The following FKRP variants were observed in gnomAD, a reference collection of about 807,000 sequenced individuals.
The protein encoded by FKRP is ribitol 5-phosphate transferase FKRP.
FKRP carries 25 observed loss-of-function variants against 30.6 expected under a neutral mutation model. That is an observed-to-expected ratio of 0.82 (90% confidence interval 0.60 to 1.14). The LOEUF is 1.14. FKRP is among the 50% of genes most tolerant of loss of function. The probability of loss-of-function intolerance (pLI) is 0.00; values close to 1 mark genes in which losing one functional copy is unlikely to be tolerated. For synonymous variants in FKRP, 358 were observed against 342.5 expected (o/e 1.05, Z -0.50); for missense variants, 771 against 727.8 (o/e 1.06, Z -0.68).
At chr19:46,752,631 C>T (rs1323030783) in intron 3 of FKRP, among the ~76,000 whole-genome samples, 2 of 152,090 alleles carry the variant, frequency 1.3e-5, no homozygotes, top group African/African-American at 2.4e-5. Flanking sequence ...GAGGCCGAGA[C>T]GGAAGGATCA....
At chr19:46,754,896 G>A (rs745858883) in intron 3 of FKRP, among the ~76,000 whole-genome samples, 2 of 152,010 alleles carry the variant, frequency 1.3e-5, no homozygotes, top group Non-Finnish European at 2.9e-5. Flanking sequence ...ATAAGCCACC[G>A]CGCCCAGCCT....
Position 46,756,181 on chromosome 19 carries a change from G to T in FKRP, c.731G>T (p.Arg244Leu), listed in dbSNP as rs764641619. ...CTGGACTTGACCTTCGCCGCGGCGC[G>T]CCAGCCCCCGCTGGCCACGGCCCAC... ...QLLDLTFAAA[R>L]QPPLATAHAR... is the part of the protein sequence containing the mutation. The change falls in exon 4 of 4, where the codon CGC (arginine) becomes CTC (leucine). Residue 244 changes from arginine to leucine, a missense_variant. Coordinates refer to ENST00000318584, the MANE Select transcript of FKRP (RefSeq NM_024301.5). This position sits in a 1 kb window ranked among gnomAD's most constrained non-coding sequence, Gnocchi z 6.6. 4 of 1,439,186 alleles carry T rather than the reference G, an allele frequency of 2.8e-6. No individual in the cohort carries two copies. Among genetic ancestry groups the T allele is most frequent in the African/African-American group, 3.0e-5 (2 of 66,260 alleles). 89.2% of individuals were successfully genotyped at this position (1,439,186 alleles called of 1,614,324 possible). A position where few individuals can be genotyped will look rare whatever the true frequency, so the allele number is the denominator to read the frequency against.
chr19:46,750,162 C>T (rs1463734197), intron 3 of FKRP, among the ~76,000 whole-genome samples: 1 of 152,178 alleles, frequency 6.6e-6, no homozygotes, highest in Non-Finnish European at 1.5e-5. Context: ...ACATTCAGAC[C>T]TTCAAAATCA....
In FKRP at chr19:46,756,469, A is replaced by T. The variant is rs1322997651; in HGVS notation, c.1019A>T (p.Tyr340Phe). The change falls in exon 4 of 4, where the codon TAC becomes TTC. Residue 340 changes from tyrosine to phenylalanine, a missense_variant. Transcript: ENST00000318584. The surrounding 1 kb of genome is among the most constrained non-coding windows in gnomAD (Gnocchi z 6.6). ...VGVLEAAGVRYWLEGGSLLGA... is the reference protein window; with the variant it reads ...VGVLEAAGVRFWLEGGSLLGA... ...GTGCTGGAGGCTGCGGGCGTGCGCT[A>T]CTGGCTCGAGGGCGGCTCACTGCTG... The T allele has an allele frequency of 1.7e-5, 26 of 1,542,924 alleles. No individual in the cohort carries two copies. Among genetic ancestry groups the T allele is most frequent in the Middle Eastern group, 1.7e-4 (1 of 5,900 alleles).
intron 3 of FKRP, among the ~76,000 whole-genome samples, chr19:46,751,587 C>A (rs2054793915): frequency 7.6e-6 from 1 of 131,384 alleles, no homozygotes; most frequent in Non-Finnish European, 1.6e-5. Flanking sequence ...GAGACGGAGT[C>A]TTGCTCTGTC....
rs1202967308 is a variant in FKRP at position 46,755,593 on chromosome 19, G to C, written c.143G>C (p.Arg48Pro). 1 of 1,606,266 alleles carries C rather than the reference G, an allele frequency of 6.2e-7. No individual in the cohort carries two copies. Among genetic ancestry groups the C allele is most frequent in the East Asian group, 2.2e-5 (1 of 44,514 alleles). The change falls in exon 4 of 4, where the codon CGT becomes CCT. Residue 48 changes from arginine to proline, a missense_variant. Arg to Pro is a moderately radical substitution (Grantham distance 103). Transcript: ENST00000318584. ...CGTCGTGCCTCTGCTGCCGGCCCCC[G>C]TGTCACCGTCCTGGTGCGGGAGTTC... ...GPRRASAAGPRVTVLVREFEA... is the reference protein window; with the variant it reads ...GPRRASAAGPPVTVLVREFEA...
At position 46,756,948 on chromosome 19, in the gene FKRP, A is replaced by G. The variant is rs1568420774; in HGVS notation, c.*10A>G. 4 of 1,612,352 alleles carry G rather than the reference A, an allele frequency of 2.5e-6. No homozygotes were observed. The highest frequency in any genetic ancestry group is 3.4e-6 in the Non-Finnish European group (4 of 1,179,796). ...GACGGGAAGCGGCTGAAGCCCTGAT[A>G]ACCTCGCCTTTGTTTTTCGGGGGTC... is the stretch of plus-strand genomic sequence containing the variant. On this transcript the variant is annotated 3_prime_UTR_variant, in exon 4 of 4. Transcript: ENST00000318584. This position sits in a 1 kb window ranked among gnomAD's most constrained non-coding sequence, Gnocchi z 6.6.
In FKRP at chr19:46,756,655, T is replaced by C; in HGVS notation, c.1205T>C (p.Phe402Ser). ...TGGGAGAAGGCGGTCGAGGGCGACT[T>C]TTTCCGCGTGCAGTACAGCGAAAGC... is the stretch of plus-strand genomic sequence containing the variant. ...FVWEKAVEGD[F>S]FRVQYSESNH... The change falls in exon 4 of 4, where the codon TTT becomes TCT. Residue 402 changes from phenylalanine (F) to serine (S), a missense_variant. Physicochemically the swap from Phe to Ser is radical, Grantham distance 155. Transcript: ENST00000318584. The surrounding 1 kb of genome is among the most constrained non-coding windows in gnomAD (Gnocchi z 6.6). 1 of 1,613,420 alleles carries C rather than the reference T, an allele frequency of 6.2e-7. No homozygotes were observed. Among genetic ancestry groups the C allele is most frequent in the Non-Finnish European group, 8.5e-7 (1 of 1,179,810 alleles).
At chr19:46,751,075 T>A (rs1310451422) in intron 3 of FKRP, among the ~76,000 whole-genome samples, 6 of 149,680 alleles carry the variant, frequency 4.0e-5, no homozygotes, top group Non-Finnish European at 8.9e-5. Context: ...TTTTTTTTTT[T>A]AAAGACAGAC....
intron 1 of FKRP, chr19:46,746,402 ACCGCGGCGG>A (rs1419660149): frequency 9.5e-7 from 1 of 1,054,780 alleles, no homozygotes; most frequent in Non-Finnish European, 1.1e-6. Context: ...GGCGGCGGCG[ACCGCGGCGG>A]CCGCTCGCTC....
intron 1 of FKRP, chr19:46,746,393 G>A: frequency 1.8e-6 from 2 of 1,085,510 alleles, no homozygotes; most frequent in African/African-American, 3.4e-5. Context: ...GGAGGAGGCG[G>A]CGGCGGCGAC....
intron 3 of FKRP, among the ~76,000 whole-genome samples, chr19:46,750,623 T>C (rs1345377773): frequency 6.6e-6 from 1 of 152,132 alleles, no homozygotes; most frequent in Non-Finnish European, 1.5e-5. Flanking sequence ...CCTCCTGGGC[T>C]CAAGGGACCC....
In FKRP at chr19:46,756,405, C is replaced by T. The variant is rs777792222; in HGVS notation, c.955C>T (p.Leu319=). 4.5e-6 allele frequency: 7 copies of T among 1,570,482 alleles called. No homozygotes were observed. In the East Asian group the frequency reaches 1.2e-4, roughly 26 times the overall value. ...YEERWTPPCC[L]RALRETARYV... is the part of the protein sequence containing the mutation. The stretch of plus-strand genomic sequence containing the variant: ...GGAGCGCTGGACGCCCCCCTGCTGC[C>T]TGCGCGCGCTGCGCGAGACCGCCCG... The change falls in exon 4 of 4, where the codon CTG becomes TTG. Residue 319 remains leucine (L), a synonymous_variant. Transcript: ENST00000318584. The surrounding 1 kb of genome is among the most constrained non-coding windows in gnomAD (Gnocchi z 6.6).
rs2122640203 is a variant in FKRP at position 46,757,207 on chromosome 19, T to C, written c.*269T>C. ...GGGACATCCTGGGTCATCTCAGTCATGGAGGGAGACGGGGATGTCACGCCG... is the reference window on the plus strand; with the variant it reads ...GGGACATCCTGGGTCATCTCAGTCACGGAGGGAGACGGGGATGTCACGCCG... On this transcript the variant is annotated 3_prime_UTR_variant, in exon 4 of 4. Coordinates refer to ENST00000318584, the MANE Select transcript of FKRP (RefSeq NM_024301.5). 1.7e-6 allele frequency: 1 copy of C among 578,004 alleles called. No homozygotes were observed. The highest frequency in any genetic ancestry group is 1.9e-5 in the African/African-American group (1 of 53,222). 35.8% of individuals were successfully genotyped at this position (578,004 alleles called of 1,614,324 possible).
chr19:46,757,277 G>A lies in FKRP; in HGVS notation c.*339G>A. 1 of 431,480 alleles carries A rather than the reference G, an allele frequency of 2.3e-6. No homozygotes were observed. Among genetic ancestry groups the A allele is most frequent in the Non-Finnish European group, 4.5e-6 (1 of 222,492 alleles). 26.7% of individuals were successfully genotyped at this position (431,480 alleles called of 1,614,324 possible). A position where few individuals can be genotyped will look rare whatever the true frequency, so the allele number is the denominator to read the frequency against. On this transcript the variant is annotated 3_prime_UTR_variant, in exon 4 of 4. Coordinates refer to ENST00000318584, the MANE Select transcript of FKRP (RefSeq NM_024301.5). ...GCCCCAGACCCGAAAAAAGTGTTCTGCCCAAGATTCCGAGAGCCCTGCGCT... is the reference window on the plus strand; with the variant it reads ...GCCCCAGACCCGAAAAAAGTGTTCTACCCAAGATTCCGAGAGCCCTGCGCT...
Position 46,755,876 on chromosome 19 carries a change from G to T in FKRP, c.426G>T (p.Glu142Asp), listed in dbSNP as rs797045575. The change falls in exon 4 of 4, where the codon GAG becomes GAT. Residue 142 changes from glutamate (E) to aspartate (D), a missense_variant. Coordinates refer to ENST00000318584, the MANE Select transcript of FKRP (RefSeq NM_024301.5). ...GGGCTGAGGCACCTGGCCTGCTGGA[G>T]CGCATGGTGGAGGCGCTCCGCGCAG... ...GARAEAPGLLERMVEALRAGS... is the reference protein window; with the variant it reads ...GARAEAPGLLDRMVEALRAGS... 4.7e-6 allele frequency: 7 copies of T among 1,494,048 alleles called. No homozygotes were observed. The highest frequency in any genetic ancestry group is 6.2e-6 in the Non-Finnish European group (7 of 1,125,020). 92.5% of individuals were successfully genotyped at this position (1,494,048 alleles called of 1,614,324 possible).
At chr19:46,750,904 C>T (rs765117919) in intron 3 of FKRP, among the ~76,000 whole-genome samples, 12 of 152,114 alleles carry the variant, frequency 7.9e-5, no homozygotes, top group Non-Finnish European at 1.8e-4. Flanking sequence ...ATGCACCAAG[C>T]ACTGAGCTGT....
Position 46,756,784 on chromosome 19 carries a change from TC to T in FKRP, c.1336del (p.Leu446CysfsTer44). 4 of 1,602,256 alleles carry T rather than the reference TC, an allele frequency of 2.5e-6. No homozygotes were observed. The highest frequency in any genetic ancestry group is 3.4e-6 in the Non-Finnish European group (4 of 1,175,056). ...HRQDVEFPEHFLQPLVPLPFA... is the reference protein window; with the variant it reads ...HRQDVEFPEHXLQPLVPLPFA... ...CAGGATGTGGAGTTTCCCGAGCACT[TC>T]CTGCAGCCGCTGGTGCCCCTGCCCT... On this transcript the variant is annotated frameshift_variant, in exon 4 of 4. Transcript: ENST00000318584. LOFTEE classifies it high-confidence loss of function. This position sits in a 1 kb window ranked among gnomAD's most constrained non-coding sequence, Gnocchi z 6.6.
At chr19:46,751,555 A>ATTTT (rs1226341140) in intron 3 of FKRP, among the ~76,000 whole-genome samples, 3 of 87,912 alleles carry the variant, frequency 3.4e-5, no homozygotes, top group Non-Finnish European at 4.8e-5. Context: ...ACTTTTTTGT[A>ATTTT]TTTTTTTTTT....
Sources: allele counts gnomAD v4.1 joint callset (sites outside exome capture counted in the v4.1 genomes callset), GRCh38; gene constraint gnomAD v4.1.1; non-coding constraint Gnocchi (gnomAD v3.1); transcripts MANE v1.5; gene names NCBI Gene and HGNC (gene_info 2026-07-23, HGNC 2026-07-21).